Variants in KDM6A observed in about 807,000 individuals in gnomAD.
The protein encoded by KDM6A is lysine-specific demethylase 6A.
Under a neutral mutation model 117.6 loss-of-function variants are expected in KDM6A, and 11 were observed. That is an observed-to-expected ratio of 0.09 (90% CI 0.06 to 0.15). KDM6A has a LOEUF of 0.15. KDM6A is among the 10% of genes least tolerant of loss of function. KDM6A has a pLI of 1.00. For synonymous variants in KDM6A, 384 were observed against 396.1 expected, an observed-to-expected ratio of 0.97 and a Z score of 0.36; for missense variants, 799 against 1,077.3, an observed-to-expected ratio of 0.74 and a Z score of 3.62.
At chrX:44,925,826 G>T (rs753828681) in intron 2 of KDM6A, among the ~76,000 whole-genome samples, 11 of 111,842 alleles carry the variant, frequency 9.8e-5, no homozygotes, top group Admixed American at 1.9e-4. Context: ...TGTCCCACTA[G>T]ATTTTAATTG....
chrX:45,032,744 C>T (rs909785737), intron 6 of KDM6A, among the ~76,000 whole-genome samples: 2 of 111,641 alleles, frequency 1.8e-5, no homozygotes, highest in Non-Finnish European at 3.8e-5. Context: ...AGCTACTGTA[C>T]CCAACCAATG....
At chrX:44,991,247 A>G (rs761053411) in intron 4 of KDM6A, among the ~76,000 whole-genome samples, 16 of 112,020 alleles carry the variant, frequency 1.4e-4, no homozygotes, top group Non-Finnish European at 3.0e-4. Context: ...CAAATAATAC[A>G]GTTTTGACAT....
At chrX:45,084,554 G>A (rs974086045) in intron 24 of KDM6A, among the ~76,000 whole-genome samples, 1 of 111,633 alleles carries the variant, frequency 9.0e-6, no homozygotes, top group Non-Finnish European at 1.9e-5. Context: ...ATAGGGCTAT[G>A]CTTGCTTCTG....
chrX:44,963,483 G>GTGTGTGTCTGTCTGTC lies in KDM6A; in HGVS notation c.334+2094_334+2095insGTGTCTGTCTGTCTGT, dbSNP rs1481840859. Among the ~76,000 whole-genome samples the GTGTGTGTCTGTCTGTC allele has an allele frequency of 6.1e-3, 249 of 40,864 alleles. 1 individual carries two copies. The highest frequency in any genetic ancestry group is 0.017 in the African/African-American group (227 of 13,236). The allele number at this position is 40,864 out of a possible 115,157, so 35.5% of individuals were successfully genotyped here. A position where few individuals can be genotyped will look rare whatever the true frequency, so the allele number is the denominator to read the frequency against. ...TGTGTGTGTGTGTGTGTGTGTGTGT[G>GTGTGTGTCTGTCTGTC]TGTCTGTCTGTCTGTCTCTGTCTGT... On this transcript the variant is annotated intron_variant, in intron 3 of 29. Transcript: ENST00000611820.
At chrX:45,044,140 C>T (rs893891869) in intron 8 of KDM6A, among the ~76,000 whole-genome samples, 6 of 112,084 alleles carry the variant, frequency 5.4e-5, no homozygotes, top group Non-Finnish European at 7.5e-5. Flanking sequence ...CTGATGTTTG[C>T]ACAACGATGA....
At chrX:44,890,151 T>C (rs971878558) in intron 2 of KDM6A, among the ~76,000 whole-genome samples, 1 of 112,429 alleles carries the variant, frequency 8.9e-6, no homozygotes, top group African/African-American at 3.2e-5. Context: ...ATTTCAGGAA[T>C]GTTATATAAG....
At chrX:44,970,518 T>A (rs1774939989) in intron 3 of KDM6A, among the ~76,000 whole-genome samples, 1 of 111,310 alleles carries the variant, frequency 9.0e-6, no homozygotes, top group East Asian at 2.8e-4. Context: ...TTTTAAAGGT[T>A]CCCCAATCCT....
chrX:44,941,271 A>G (rs1312193368), intron 2 of KDM6A, among the ~76,000 whole-genome samples: 1 of 111,045 alleles, frequency 9.0e-6, no homozygotes, highest in Non-Finnish European at 1.9e-5. Context: ...AATGAAAATA[A>G]TTTTGACCTA....
At position 45,083,616 on chromosome X, in the gene KDM6A, G is replaced by T; in HGVS notation, c.3589+8G>T. The T allele has an allele frequency of 4.2e-6, 5 of 1,193,763 alleles. No homozygotes were observed. The highest frequency in any genetic ancestry group is 5.7e-6 in the Non-Finnish European group (5 of 879,604). Reference sequence around the variant, plus strand: ...CAGGGAGCAGAACACCAGGTAATTTGTATGAACTAACATATCTTGTTAAAA... The same window carrying T: ...CAGGGAGCAGAACACCAGGTAATTTTTATGAACTAACATATCTTGTTAAAA... On this transcript the variant is annotated splice_region_variant and intron_variant, in intron 24 of 29. Coordinates refer to ENST00000611820, the MANE Select transcript of KDM6A (RefSeq NM_001291415.2).
chrX:44,892,386 GTC>G (rs1432166982), intron 2 of KDM6A, among the ~76,000 whole-genome samples: 1 of 111,391 alleles, frequency 9.0e-6, no homozygotes, highest in Non-Finnish European at 1.9e-5. Flanking sequence ...GTGGAACCCT[GTC>G]TCTACCAAAA....
In KDM6A at chrX:45,043,951, C is replaced by T. The variant is rs187218550; in HGVS notation, c.654+6262C>T. Among the ~76,000 whole-genome samples, 43 of 111,685 alleles carry T rather than the reference C, an allele frequency of 3.9e-4. No individual in the cohort carries two copies. In the East Asian group the frequency reaches 9.0e-3, roughly 23 times the overall value. ...ATAGCATATTTTTACTGTACTTTTTCGGTGTGTGTTTTTTGTTTTAACTGA... is the reference window on the plus strand; with the variant it reads ...ATAGCATATTTTTACTGTACTTTTTTGGTGTGTGTTTTTTGTTTTAACTGA... On this transcript the variant is annotated intron_variant, in intron 8 of 29. Coordinates refer to ENST00000611820, the MANE Select transcript of KDM6A (RefSeq NM_001291415.2).
intron 8 of KDM6A, among the ~76,000 whole-genome samples, chrX:45,048,832 C>T (rs983854333): frequency 9.1e-6 from 1 of 109,791 alleles, no homozygotes; most frequent in East Asian, 2.8e-4. Context: ...AATGTCACTC[C>T]AAATATTGTC....
chrX:44,873,364 G>GC lies in KDM6A; in HGVS notation c.-184dup, dbSNP rs1191881279. On this transcript the variant is annotated 5_prime_UTR_variant, in exon 1 of 30. Coordinates refer to ENST00000611820, the MANE Select transcript of KDM6A (RefSeq NM_001291415.2). ...CCGCTGCCGACCCGGGGGCTCCGCA[G>GC]CCCCTGCCGCCGCCGCCGCCGCCTT... 22 of 571,548 alleles carry GC rather than the reference G, an allele frequency of 3.8e-5. No individual in the cohort carries two copies. Among genetic ancestry groups the GC allele is most frequent in the Non-Finnish European group, 5.5e-5 (21 of 381,555 alleles). The allele number at this position is 571,548 out of a possible 1,213,427, so 47.1% of individuals were successfully genotyped here. A position where few individuals can be genotyped will look rare whatever the true frequency, so the allele number is the denominator to read the frequency against.
chrX:44,883,566 G>T (rs910243943), intron 2 of KDM6A, among the ~76,000 whole-genome samples: 2 of 109,764 alleles, frequency 1.8e-5, no homozygotes, highest in African/African-American at 3.3e-5. Context: ...TAGAGATGGG[G>T]TTTCACCATG....
At chrX:45,040,503 C>A (rs1602683581) in intron 8 of KDM6A, among the ~76,000 whole-genome samples, 1 of 79,277 alleles carries the variant, frequency 1.3e-5, no homozygotes, top group African/African-American at 4.8e-5. Context: ...GGGGCTGACC[C>A]CCCCACCTCC....
At position 44,975,845 on chromosome X, in the gene KDM6A, G is replaced by T. The variant is rs186228130; in HGVS notation, c.384+1130G>T. On this transcript the variant is annotated intron_variant, in intron 4 of 29. Transcript: ENST00000611820. ...ATAAGGGAACCTGCACAGGGGGCTT[G>T]CCTGGGCATGCCTGCAGTGGACTGG... Among the ~76,000 whole-genome samples, 24 of 111,780 alleles carry T rather than the reference G, an allele frequency of 2.1e-4. No homozygotes were observed. In the East Asian group the frequency reaches 6.8e-3, roughly 31 times the overall value.
chrX:45,088,268 CTCTAG>C (rs2045732714), intron 25 of KDM6A, among the ~76,000 whole-genome samples: 1 of 112,493 alleles, frequency 8.9e-6, no homozygotes, highest in Non-Finnish European at 1.9e-5. Context: ...ACCATTTGCA[CTCTAG>C]TCTAAACTTT....
Position 45,063,645 on chromosome X carries a change from C to T in KDM6A, c.1907C>T (p.Thr636Met), listed in dbSNP as rs141353229. Residue 636 changes from threonine to methionine, a missense_variant, in exon 17 of 30, where the codon ACG becomes ATG. Physicochemically the swap from Thr to Met is moderately conservative, Grantham distance 81. This residue lies in a region of KDM6A where 301 missense variants were observed against 318.3 expected (regional missense o/e 0.95). Coordinates refer to ENST00000611820, the MANE Select transcript of KDM6A (RefSeq NM_001291415.2). ...AGHVPCSTSR[T>M]LGSTDTILIG... is the part of the protein sequence containing the mutation. ...CATGTTCCCTGTAGCACATCAAGAA[C>T]GCTGGGAAGTACAGACACTATTTTG... The T allele has an allele frequency of 1.1e-3, 1,318 of 1,208,526 alleles. 1 individual carries two copies. The highest frequency in any genetic ancestry group is 1.3e-3 in the Non-Finnish European group (1,201 of 894,294).
chrX:45,007,917 T>C (rs1180108230), intron 4 of KDM6A, among the ~76,000 whole-genome samples: 1 of 111,913 alleles, frequency 8.9e-6, no homozygotes, highest in Non-Finnish European at 1.9e-5. Flanking sequence ...TTTTAGAACC[T>C]TTTGAAAGAG....
Sources: gnomAD v4.1 joint callset for allele counts (sites outside exome capture counted in the v4.1 genomes callset) on GRCh38, gnomAD v4.1.1 for gene constraint, gnomAD v4.1.1 regional missense constraint, MANE v1.5 for transcripts, NCBI Gene and HGNC (gene_info 2026-07-23, HGNC 2026-07-21) for gene names.